SLC2A1: variants seen among roughly 807,000 people sequenced by gnomAD.
The protein encoded by SLC2A1 is solute carrier family 2, facilitated glucose transporter member 1.
Under a neutral mutation model 46.6 loss-of-function variants are expected in SLC2A1, and 4 were observed. The ratio of observed to expected loss-of-function variants is 0.09; its 90% CI spans 0.04 to 0.20. The LOEUF (loss-of-function observed/expected upper bound fraction) is 0.20, where lower values mean the gene tolerates loss of function less well. Ranked by LOEUF, SLC2A1 falls within the 10% of genes least tolerant of loss-of-function variation. SLC2A1 has a pLI of 1.00. For missense variants in SLC2A1, 352 were observed against 667.0 expected, an observed-to-expected ratio of 0.53 and a Z score of 5.20; for synonymous variants, 253 against 270.0, an observed-to-expected ratio of 0.94 and a Z score of 0.62.
intron 2 of SLC2A1, among the ~76,000 whole-genome samples, chr1:42,934,472 C>T (rs917826682): frequency 1.3e-5 from 2 of 152,150 alleles, no homozygotes; most frequent in African/African-American, 4.8e-5. Flanking sequence ...CTGCTGGTTC[C>T]GGTGCTCTGT....
At chr1:42,951,896 G>C (rs1402239908) in intron 1 of SLC2A1, 3 of 401,544 alleles carry the variant, frequency 7.5e-6, no homozygotes, top group African/African-American at 6.2e-5. Flanking sequence ...CTGCCCCACA[G>C]ATGTATGAAC....
intron 1 of SLC2A1, among the ~76,000 whole-genome samples, chr1:42,947,581 C>CAAA (rs144784155): frequency 0.011 from 598 of 55,340 alleles, 16 homozygotes; most frequent in East Asian, 0.018. Flanking sequence ...CACACACACA[C>CAAA]AAAAAAAAAA....
chr1:42,928,106 G>A (rs1042811848), intron 8 of SLC2A1, among the ~76,000 whole-genome samples: 2 of 152,230 alleles, frequency 1.3e-5, no homozygotes, highest in African/African-American at 4.8e-5. Flanking sequence ...AGCACAGTCC[G>A]CCTGTGGCAG....
At chr1:42,942,932 A>G (rs1643612881) in intron 2 of SLC2A1, 2 of 469,524 alleles carry the variant, frequency 4.3e-6, no homozygotes, top group East Asian at 4.2e-5. Flanking sequence ...TGAGTTTATT[A>G]TATCATCAAA....
chr1:42,952,406 GTCGA>G, intron 1 of SLC2A1: 1 of 480,096 alleles, frequency 2.1e-6, no homozygotes, highest in South Asian at 1.5e-5. Context: ...GGCTGATGCA[GTCGA>G]TCAGCGAGTT....
rs541025270 is a variant in SLC2A1, at chr1:42,932,897, C to G, written c.115-1691G>C. Among the ~76,000 whole-genome samples, 5 of 152,340 alleles carry G rather than the reference C, an allele frequency of 3.3e-5. No homozygotes were observed. In the South Asian group the frequency reaches 8.3e-4, roughly 25 times the overall value. On this transcript the variant is annotated intron_variant, in intron 2 of 9. Transcript: ENST00000426263. ...GAGGCCAGGCTCCAAGGGGCGAGGA[C>G]AGTTGGTAGGGCAGAGGCAAGCCCT...
Position 42,927,113 on chromosome 1 carries a change from C to A in SLC2A1, c.1407G>T (p.Gln469His), listed in dbSNP as rs201748668. ...TCTTGTCACTTTGGCTGGCTCCCCC[C>A]TGCCGGAAGCCGGAAGCGATCTCAT... ...TFDEIASGFR[Q>H]GGASQSDKTP... Residue 469 changes from glutamine (Q) to histidine (H), a missense_variant, in exon 10 of 10, where the codon CAG becomes CAT. Coordinates refer to ENST00000426263, the MANE Select transcript of SLC2A1 (RefSeq NM_006516.4). This position sits in a 1 kb window ranked among gnomAD's most constrained non-coding sequence, Gnocchi z 5.3. 3 of 1,614,220 alleles carry A rather than the reference C, an allele frequency of 1.9e-6. No individual in the cohort carries two copies. Among genetic ancestry groups the A allele is most frequent in the Admixed American group, 1.7e-5 (1 of 60,034 alleles).
chr1:42,931,896 C>T (rs1255524658), intron 2 of SLC2A1, among the ~76,000 whole-genome samples: 2 of 151,826 alleles, frequency 1.3e-5, no homozygotes, highest in African/African-American at 2.4e-5. Context: ...TTTCTCCTCA[C>T]CATGTCTCAA....
At chr1:42,942,947 T>C (rs569351147) in intron 2 of SLC2A1, 9 of 513,574 alleles carry the variant, frequency 1.8e-5, no homozygotes, top group Non-Finnish European at 2.8e-5. Flanking sequence ...ATCAAACATA[T>C]TATTAAATGA....
intron 2 of SLC2A1, among the ~76,000 whole-genome samples, 187 bp from the exon 3 acceptor site, chr1:42,931,393 G>A (rs536183755): frequency 2.4e-4 from 36 of 152,312 alleles, no homozygotes; most frequent in Non-Finnish European, 3.8e-4. Context: ...GAAACAAGGG[G>A]TTGGAGTTCA....
chr1:42,946,696 G>A (rs1236513612), intron 1 of SLC2A1, among the ~76,000 whole-genome samples: 1 of 152,198 alleles, frequency 6.6e-6, no homozygotes, highest in Non-Finnish European at 1.5e-5. Flanking sequence ...GGACCAGTCA[G>A]ATTAAGAAAC....
chr1:42,942,394 G>A (rs1178800754), intron 2 of SLC2A1, among the ~76,000 whole-genome samples: 3 of 152,044 alleles, frequency 2.0e-5, no homozygotes, highest in Non-Finnish European at 4.4e-5. Context: ...TTCCTTTCCT[G>A]TCCCTGCCTC....
intron 1 of SLC2A1, among the ~76,000 whole-genome samples, chr1:42,948,180 A>G (rs941067094): frequency 6.6e-6 from 1 of 151,824 alleles, no homozygotes; most frequent in African/African-American, 2.4e-5. Context: ...CCAGGAAGCC[A>G]TGGATGAGGT....
At chr1:42,956,510 G>A (rs1230772925) in intron 1 of SLC2A1, among the ~76,000 whole-genome samples, 3 of 151,792 alleles carry the variant, frequency 2.0e-5, no homozygotes, top group East Asian at 1.9e-4. Flanking sequence ...GCTTGAACCC[G>A]GGAGGCAGAG....
chr1:42,933,722 C>T (rs1175486269), intron 2 of SLC2A1, among the ~76,000 whole-genome samples: 2 of 151,294 alleles, frequency 1.3e-5, no homozygotes, highest in Middle Eastern at 3.2e-3. Context: ...GATATGGGAA[C>T]GGTCCAGATA....
chr1:42,953,308 C>A (rs906048941), intron 1 of SLC2A1, among the ~76,000 whole-genome samples: 11 of 152,246 alleles, frequency 7.2e-5, no homozygotes, highest in Non-Finnish European at 1.3e-4. Flanking sequence ...TCAGTTACTG[C>A]AAAACCCTAA....
intron 2 of SLC2A1, among the ~76,000 whole-genome samples, chr1:42,939,401 C>T (rs1557649894): frequency 2.0e-5 from 3 of 152,234 alleles, no homozygotes; most frequent in African/African-American, 4.8e-5. Flanking sequence ...GTTCTGGCCA[C>T]TCACATCTCC....
At chr1:42,949,918 C>G (rs1643702924) in intron 1 of SLC2A1, among the ~76,000 whole-genome samples, 2 of 152,184 alleles carry the variant, frequency 1.3e-5, no homozygotes, top group Non-Finnish European at 2.9e-5. Flanking sequence ...GTACTGGTCC[C>G]TGAAGGAAAC....
chr1:42,935,557 C>T (rs1162642087), intron 2 of SLC2A1, among the ~76,000 whole-genome samples: 1 of 152,206 alleles, frequency 6.6e-6, no homozygotes, highest in East Asian at 1.9e-4. Flanking sequence ...GCCTTAGGGA[C>T]AAGGTTTTCC....
Sources: gnomAD v4.1 joint callset for allele counts (sites outside exome capture counted in the v4.1 genomes callset) on GRCh38, gnomAD v4.1.1 for gene constraint, Gnocchi (gnomAD v3.1) non-coding constraint, MANE v1.5 for transcripts, NCBI Gene and HGNC (gene_info 2026-07-23, HGNC 2026-07-21) for gene names.